Variants in NMNAT1 observed in about 807,000 individuals in gnomAD.
NMNAT1 encodes the protein nicotinamide nucleotide adenylyltransferase 1.
A neutral mutation model predicts 16.7 loss-of-function variants in NMNAT1; 11 were observed. That is an observed-to-expected ratio of 0.66 (90% CI 0.41 to 1.09). The LOEUF (loss-of-function observed/expected upper bound fraction) is 1.09, where lower values mean the gene tolerates loss of function less well. Among genes scored for constraint, NMNAT1 ranks in the 50% least tolerant of loss-of-function variants. NMNAT1 has a pLI of 0.00. For synonymous variants in NMNAT1, 110 were observed against 119.8 expected, an observed-to-expected ratio of 0.92 and a Z score of 0.53; for missense variants, 280 against 332.3, an observed-to-expected ratio of 0.84 and a Z score of 1.22.
chr1:9,958,462 CAG>C (rs1641323282), intron 1 of NMNAT1, among the ~76,000 whole-genome samples: 1 of 146,414 alleles, frequency 6.8e-6, no homozygotes, highest in African/African-American at 2.5e-5. Flanking sequence ...TTTTTTGAGA[CAG>C]AGTCTTGCTC....
In NMNAT1 at chr1:9,981,063, G is replaced by C; in HGVS notation, c.332G>C (p.Cys111Ser). The change falls in exon 4 of 5, where the codon TGT becomes TCT. Residue 111 changes from cysteine to serine, a missense_variant. Cys to Ser is a moderately radical substitution (Grantham distance 112, BLOSUM62 -1). Transcript: ENST00000377205. The stretch of plus-strand genomic sequence containing the variant: ...CAAGAGAAATTGGAGGCTAGTGACT[G>C]TGATCACCAGCAGAACTCACCTACT... Reference protein sequence around the residue: ...HHQEKLEASDCDHQQNSPTLE... With the variant: ...HHQEKLEASDSDHQQNSPTLE... 6.2e-7 allele frequency: 1 copy of C among 1,611,798 alleles called. No individual in the cohort carries two copies. Among genetic ancestry groups the C allele is most frequent in the Non-Finnish European group, 8.5e-7 (1 of 1,179,426 alleles).
At chr1:9,968,091 A>ATTTTTTTTTTT (rs1274063395) in intron 1 of NMNAT1, among the ~76,000 whole-genome samples, 1 of 15,780 alleles carries the variant, frequency 6.3e-5, no homozygotes. Context: ...TTTTTTTTTG[A>ATTTTTTTTTTT]GATGGAGTCT....
the NMNAT1 span, among the ~76,000 whole-genome samples, chr1:9,992,203 C>T: frequency 4.9e-4 from 74 of 151,334 alleles, 1 homozygote; most frequent in African/African-American, 1.6e-3. Context: ...CCACCTCAGT[C>T]TCCCGAGTAG....
chr1:9,966,975 A>G (rs1263425027), intron 1 of NMNAT1, among the ~76,000 whole-genome samples: 2 of 152,022 alleles, frequency 1.3e-5, no homozygotes, highest in African/African-American at 2.4e-5. Context: ...TGTAATCCCA[A>G]CACTTTAAAA....
intron 3 of NMNAT1, among the ~76,000 whole-genome samples, chr1:9,977,236 T>C (rs754836109): frequency 6.6e-6 from 1 of 151,910 alleles, no homozygotes; most frequent in Non-Finnish European, 1.5e-5. Context: ...AATGTTATTT[T>C]GATTTTTTTA....
downstream of NMNAT1, among the ~76,000 whole-genome samples, chr1:9,986,053 T>A (rs1642041590): frequency 6.6e-6 from 1 of 152,164 alleles, no homozygotes; most frequent in Admixed American, 6.6e-5. Context: ...AATGAAACTG[T>A]CACCTCGGTT....
downstream of NMNAT1, among the ~76,000 whole-genome samples, chr1:9,990,237 G>A (rs985114013): frequency 5.3e-5 from 8 of 152,134 alleles, no homozygotes; most frequent in Admixed American, 5.2e-4. Context: ...AGGTGTGTAG[G>A]TTTGTAGGTG....
At chr1:9,993,759 A>C in the NMNAT1 span, among the ~76,000 whole-genome samples, 5 of 152,160 alleles carry the variant, frequency 3.3e-5, no homozygotes, top group African/African-American at 1.2e-4. Context: ...AATCTACTGG[A>C]TTCTTAGCTT....
chr1:9,961,181 T>C lies in NMNAT1; in HGVS notation c.-56-10837T>C, dbSNP rs77530105. On this transcript the variant is annotated intron_variant, in intron 1 of 4. Coordinates refer to ENST00000377205, the MANE Select transcript of NMNAT1 (RefSeq NM_022787.4). ...GCTTCCTCCAGCCCTTCCACATCCC[T>C]TGGGCATCACCTGGAAACCTAAGCT... is the stretch of plus-strand genomic sequence containing the variant. Among the ~76,000 whole-genome samples, 586 of 152,306 alleles carry C rather than the reference T, an allele frequency of 3.8e-3. 3 individuals are homozygous for C. The highest frequency in any genetic ancestry group is 0.014 in the African/African-American group (566 of 41,572).
At chr1:9,973,336 T>C (rs1384785237) in intron 2 of NMNAT1, among the ~76,000 whole-genome samples, 1 of 152,070 alleles carries the variant, frequency 6.6e-6, no homozygotes, top group East Asian at 1.9e-4. Flanking sequence ...CAGGCTGGTC[T>C]CAAACTCCCA....
chr1:9,953,353 T>C (rs1641165287), intron 1 of NMNAT1, among the ~76,000 whole-genome samples: 1 of 150,128 alleles, frequency 6.7e-6, no homozygotes, highest in African/African-American at 2.5e-5. Flanking sequence ...CTCAGCTCAC[T>C]GCATCCTCTG....
chr1:9,970,297 G>T (rs1641657908), intron 1 of NMNAT1, among the ~76,000 whole-genome samples: 1 of 152,112 alleles, frequency 6.6e-6, no homozygotes, highest in Non-Finnish European at 1.5e-5. Context: ...AAAGTGGTTG[G>T]ATGGAAGGGA....
At chr1:9,971,725 G>A (rs1641691953) in intron 1 of NMNAT1, among the ~76,000 whole-genome samples, 1 of 152,144 alleles carries the variant, frequency 6.6e-6, no homozygotes, top group African/African-American at 2.4e-5. Flanking sequence ...CACTTTGAGA[G>A]ACTGAGGTGG....
chr1:9,967,000 G>A (rs1423709149), intron 1 of NMNAT1, among the ~76,000 whole-genome samples: 1 of 152,088 alleles, frequency 6.6e-6, no homozygotes. Flanking sequence ...GTGGCGGGCA[G>A]ATCACCTGAG....
At chr1:9,946,541 CAAG>C (rs2101632367) in intron 1 of NMNAT1, among the ~76,000 whole-genome samples, 1 of 152,298 alleles carries the variant, frequency 6.6e-6, no homozygotes, top group East Asian at 1.9e-4. Flanking sequence ...GAGTGGCTAA[CAAG>C]AAGTACCAGG....
At chr1:9,994,197 G>A in the NMNAT1 span, among the ~76,000 whole-genome samples, 221 of 138,106 alleles carry the variant, frequency 1.6e-3, 1 homozygote, top group African/African-American at 6.2e-3. Context: ...TGCAACCTCT[G>A]CCTCCCGGGT....
chr1:9,960,058 A>G (rs1339302289), intron 1 of NMNAT1, among the ~76,000 whole-genome samples: 1 of 152,218 alleles, frequency 6.6e-6, no homozygotes, highest in Non-Finnish European at 1.5e-5. Flanking sequence ...AATACTGAGC[A>G]TCCTGAAATA....
At chr1:9,957,535 C>T (rs1641294908) in intron 1 of NMNAT1, among the ~76,000 whole-genome samples, 1 of 151,950 alleles carries the variant, frequency 6.6e-6, no homozygotes, top group Admixed American at 6.6e-5. Flanking sequence ...CCTCGTGATC[C>T]ACGCCTCGGC....
rs56984132 is a variant in NMNAT1, at chr1:9,970,546, A to C, written c.-56-1472A>C. On this transcript the variant is annotated intron_variant, in intron 1 of 4. Coordinates refer to ENST00000377205, the MANE Select transcript of NMNAT1 (RefSeq NM_022787.4). ...CTACTAAAAATACAAAAAATTAGGC[A>C]GGTGTGGTGGCAGGCACCTGTAATC... is the stretch of plus-strand genomic sequence containing the variant. Among the ~76,000 whole-genome samples, 1,152 of 152,092 alleles carry C rather than the reference A, an allele frequency of 7.6e-3. 16 individuals carry two copies. Among genetic ancestry groups the C allele is most frequent in the African/African-American group, 0.027 (1,112 of 41,500 alleles).
Sources: allele counts gnomAD v4.1 joint callset (sites outside exome capture counted in the v4.1 genomes callset), GRCh38; gene constraint gnomAD v4.1.1; transcripts MANE v1.5; gene names NCBI Gene and HGNC (gene_info 2026-07-23, HGNC 2026-07-21).